Variants in CNTNAP2 observed in about 807,000 individuals in gnomAD.
CNTNAP2 encodes the protein contactin associated protein 2, also known as contactin-associated protein-like 2.
In CNTNAP2, 98 loss-of-function variants were observed where a neutral mutation model predicts 155.2. That is an observed-to-expected ratio of 0.63 (90% CI 0.54 to 0.75). CNTNAP2 has a LOEUF of 0.75. Among genes scored for constraint, CNTNAP2 ranks in the 30% least tolerant of loss-of-function variants. The pLI is 0.00. For missense variants in CNTNAP2, 1,727 were observed against 1,688.1 expected (o/e 1.02, Z -0.40); for synonymous variants, 651 against 631.2 (o/e 1.03, Z -0.47).
chr7:146,550,414 T>TTGTTTTG lies in CNTNAP2; in HGVS notation c.98-223856_98-223855insGTTTTGT, dbSNP rs1554447425. Among the ~76,000 whole-genome samples, 8 of 124,838 alleles carry TTGTTTTG rather than the reference T, an allele frequency of 6.4e-5. No individual in the cohort carries two copies. In the East Asian group the frequency reaches 1.3e-3, roughly 20 times the overall value. The allele number at this position is 124,838 out of a possible 152,430, so 81.9% of individuals were successfully genotyped here. A position where few individuals can be genotyped will look rare whatever the true frequency, so the allele number is the denominator to read the frequency against. On this transcript the variant is annotated intron_variant, in intron 1 of 23. Coordinates refer to ENST00000361727, the MANE Select transcript of CNTNAP2 (RefSeq NM_014141.6). ...GTCCATTAATCTGTTTTTTTTTTTT[T>TTGTTTTG]TTTTTTTTTTTTTTTATAAAGTACC... is the stretch of plus-strand genomic sequence containing the variant.
Position 147,925,296 on chromosome 7 carries a change from A to ATG in CNTNAP2, c.2255+21575_2255+21576insTG, listed in dbSNP as rs1800375881. Among the ~76,000 whole-genome samples, 4 of 90,982 alleles carry ATG rather than the reference A, an allele frequency of 4.4e-5. 2 individuals are homozygous for ATG. The highest frequency in any genetic ancestry group is 1.1e-3 in the South Asian group (2 of 1,796). The allele number at this position is 90,982 out of a possible 152,430, so 59.7% of individuals were successfully genotyped here. ...CAAACACACACAAGCGCGCGCGCACACACACACACACACACACACACACAC... is the reference window on the plus strand; with the variant it reads ...CAAACACACACAAGCGCGCGCGCACATGCACACACACACACACACACACACAC... On this transcript the variant is annotated intron_variant, in intron 14 of 23. Transcript: ENST00000361727.
At chr7:146,606,564 C>G (rs1365291885) in intron 1 of CNTNAP2, among the ~76,000 whole-genome samples, 1 of 152,120 alleles carries the variant, frequency 6.6e-6, no homozygotes, top group Non-Finnish European at 1.5e-5. Flanking sequence ...AAGTCTATAA[C>G]ATTCATTTTT....
At chr7:147,061,483 T>G (rs1799669380) in intron 4 of CNTNAP2, among the ~76,000 whole-genome samples, 1 of 152,232 alleles carries the variant, frequency 6.6e-6, no homozygotes, top group African/African-American at 2.4e-5. Flanking sequence ...AGGCTTACTC[T>G]AAGTCAATCC....
At chr7:147,443,928 A>G (rs560793741) in intron 10 of CNTNAP2, among the ~76,000 whole-genome samples, 127 of 152,246 alleles carry the variant, frequency 8.3e-4, no homozygotes, top group South Asian at 3.7e-3. Context: ...TGCCAGCTAC[A>G]TTTGTTTGCT....
intron 3 of CNTNAP2, among the ~76,000 whole-genome samples, chr7:146,887,821 A>G (rs1247517935): frequency 6.6e-6 from 1 of 152,168 alleles, no homozygotes; most frequent in Non-Finnish European, 1.5e-5. Context: ...TACACTTCAC[A>G]GGTCATTTCC....
At chr7:148,256,100 C>T (rs1383598545) in intron 20 of CNTNAP2, among the ~76,000 whole-genome samples, 1 of 152,110 alleles carries the variant, frequency 6.6e-6, no homozygotes, top group African/African-American at 2.4e-5. Context: ...TTAGTACATA[C>T]GGCAAAGATG....
intron 9 of CNTNAP2, among the ~76,000 whole-genome samples, chr7:147,340,244 C>G (rs1795737668): frequency 6.6e-6 from 1 of 152,140 alleles, no homozygotes; most frequent in Admixed American, 6.6e-5. Context: ...AGGGAATCTG[C>G]TCACTGGTCC....
At chr7:147,620,261 A>G (rs1042834824) in intron 12 of CNTNAP2, among the ~76,000 whole-genome samples, 1 of 152,152 alleles carries the variant, frequency 6.6e-6, no homozygotes, top group African/African-American at 2.4e-5. Flanking sequence ...TAGCTTTTTA[A>G]TGCCCAGACA....
rs935808326 is a variant in CNTNAP2 at position 146,334,458 on chromosome 7, A to C, written c.97+217485A>C. ...AAAAAAAAAAAAAAAGCATCCAATC[A>C]GTCTCCAACACTCAAGAATTATTTG... On this transcript the variant is annotated intron_variant, in intron 1 of 23. Transcript: ENST00000361727. 2.0e-5 allele frequency among the ~76,000 whole-genome samples: 3 copies of C among 151,174 alleles called. No homozygotes were observed. The East Asian group carries it at 5.8e-4, about 29-fold the overall frequency.
intron 8 of CNTNAP2, among the ~76,000 whole-genome samples, chr7:147,288,683 C>A (rs1201607617): frequency 2.0e-5 from 3 of 152,198 alleles, no homozygotes; most frequent in Non-Finnish European, 2.9e-5. Context: ...TTAAGTGTGA[C>A]ATCTCTTCAT....
rs140936732 is a variant in CNTNAP2 at position 148,411,282 on chromosome 7, G to A, written c.3796+1811G>A. Among the ~76,000 whole-genome samples the A allele has an allele frequency of 3.6e-3, 548 of 152,100 alleles. 4 individuals are homozygous for A. Among genetic ancestry groups the A allele is most frequent in the African/African-American group, 0.013 (520 of 41,498 alleles). On this transcript the variant is annotated intron_variant, in intron 23 of 23. Transcript: ENST00000361727. The stretch of plus-strand genomic sequence containing the variant: ...TAACTTTTATTTATTATTATTTTTT[G>A]AGACAGAGTCTCACTTTCTGTTGCC...
intron 5 of CNTNAP2, among the ~76,000 whole-genome samples, chr7:147,117,330 C>T (rs993247792): frequency 3.3e-5 from 5 of 152,108 alleles, no homozygotes; most frequent in Non-Finnish European, 7.4e-5. Flanking sequence ...TGCAGAAATC[C>T]ATGGGAGAAG....
At chr7:147,661,135 G>A (rs528305799) in intron 13 of CNTNAP2, among the ~76,000 whole-genome samples, 4 of 152,102 alleles carry the variant, frequency 2.6e-5, no homozygotes, top group African/African-American at 9.6e-5. Flanking sequence ...TCCTCTTCCA[G>A]TCATGTAGTA....
chr7:147,446,340 A>C (rs1797739787), intron 10 of CNTNAP2, among the ~76,000 whole-genome samples: 1 of 152,172 alleles, frequency 6.6e-6, no homozygotes, highest in Non-Finnish European at 1.5e-5. Flanking sequence ...AATGAAATGA[A>C]TCGAAATGAA....
chr7:146,850,002 CAGGT>C (rs751634545), intron 3 of CNTNAP2, among the ~76,000 whole-genome samples: 5 of 152,132 alleles, frequency 3.3e-5, no homozygotes, highest in Admixed American at 2.6e-4. Flanking sequence ...TACTGTTTTC[CAGGT>C]AGCTAATTTA....
chr7:146,974,893 G>C (rs1020561126), intron 3 of CNTNAP2, among the ~76,000 whole-genome samples: 1 of 152,000 alleles, frequency 6.6e-6, no homozygotes, highest in Non-Finnish European at 1.5e-5. Context: ...CAGCTACCTG[G>C]ATGAGAATCA....
At chr7:147,027,002 C>CAGAAAAAAAAAAAAAAAAAAAAA (rs1798934223) in intron 3 of CNTNAP2, among the ~76,000 whole-genome samples, 7 of 72,294 alleles carry the variant, frequency 9.7e-5, no homozygotes, top group Non-Finnish European at 1.7e-4. Flanking sequence ...CAAAACAGAA[C>CAGAAAAAAAAAAAAAAAAAAAAA]AGAAAAAAAA....
intron 13 of CNTNAP2, among the ~76,000 whole-genome samples, chr7:147,803,021 T>C (rs1268616727): frequency 1.3e-5 from 2 of 152,058 alleles, no homozygotes; most frequent in Non-Finnish European, 2.9e-5. Context: ...ACAAATGGAA[T>C]AATAATGAAC....
At chr7:147,630,332 A>AG (rs1183152408) in intron 12 of CNTNAP2, among the ~76,000 whole-genome samples, 1 of 142,080 alleles carries the variant, frequency 7.0e-6, no homozygotes, top group East Asian at 1.9e-4. Context: ...AAAAAAAAAA[A>AG]AAAAAAAGCC....
Sources: gnomAD v4.1 joint callset for allele counts (sites outside exome capture counted in the v4.1 genomes callset) on GRCh38, gnomAD v4.1.1 for gene constraint, MANE v1.5 for transcripts, NCBI Gene and HGNC (gene_info 2026-07-23, HGNC 2026-07-21) for gene names.